Variants in ZC3H12B observed in about 807,000 individuals in gnomAD.
ZC3H12B encodes the protein probable ribonuclease ZC3H12B.
A neutral mutation model predicts 43.9 loss-of-function variants in ZC3H12B; 7 were observed. That is an observed-to-expected ratio of 0.16 (90% confidence interval 0.09 to 0.30). The LOEUF (loss-of-function observed/expected upper bound fraction) is 0.30, where lower values mean the gene tolerates loss of function less well. ZC3H12B is among the 10% of genes least tolerant of loss of function. The pLI is 1.00. For synonymous variants in ZC3H12B, 222 were observed against 241.7 expected (o/e 0.92, Z 0.76); for missense variants, 475 against 670.2 (o/e 0.71, Z 3.22).
chrX:65,369,644 T>A (rs1029799780), intron 2 of ZC3H12B, among the ~76,000 whole-genome samples: 2 of 111,776 alleles, frequency 1.8e-5, no homozygotes, highest in African/African-American at 6.5e-5. Context: ...TATGCAACTT[T>A]AAAAAAATTG....
At chrX:65,269,078 G>A in the ZC3H12B span, among the ~76,000 whole-genome samples, 29 of 111,856 alleles carry the variant, frequency 2.6e-4, no homozygotes, top group Admixed American at 2.5e-3. Context: ...CAGGCACAGT[G>A]GCTCATGCCT....
chrX:65,207,650 G>T, the ZC3H12B span, among the ~76,000 whole-genome samples: 1 of 105,206 alleles, frequency 9.5e-6, no homozygotes, highest in East Asian at 3.0e-4. Context: ...GGATTGACTT[G>T]GCAATGCGGG....
intron 3 of ZC3H12B, among the ~76,000 whole-genome samples, chrX:65,429,308 G>A (rs1260760121): frequency 2.7e-5 from 3 of 112,605 alleles, no homozygotes; most frequent in Non-Finnish European, 5.6e-5. Flanking sequence ...GATCTCTTCA[G>A]CCCCCAATTG....
chrX:65,170,466 A>G, the ZC3H12B span, among the ~76,000 whole-genome samples: 2 of 111,032 alleles, frequency 1.8e-5, no homozygotes, highest in African/African-American at 3.3e-5. Flanking sequence ...TGCCCTTAAC[A>G]TTTTTCCCTT....
the ZC3H12B span, among the ~76,000 whole-genome samples, chrX:65,282,820 G>A: frequency 8.9e-6 from 1 of 111,754 alleles, no homozygotes; most frequent in Non-Finnish European, 1.9e-5. Context: ...CTGAAATTGA[G>A]GCAATAACTA....
At position 65,472,968 on chromosome X, in the gene ZC3H12B, A is replaced by ATG. The variant is rs1179825661; in HGVS notation, n.408-15670_408-15669dup. Among the ~76,000 whole-genome samples, 138 of 75,978 alleles carry ATG rather than the reference A, an allele frequency of 1.8e-3. 1 individual carries two copies. The highest frequency in any genetic ancestry group is 9.1e-3 in the African/African-American group (115 of 12,669). 66.0% of individuals were successfully genotyped at this position (75,978 alleles called of 115,157 possible). On this transcript the variant is annotated intron_variant and non_coding_transcript_variant, in intron 3 of 5. Transcript: ENST00000617377. ...CATATATATATGTTTGTGTATGTGT[A>ATG]TGTGTGTGTATATATATATATATAT...
chrX:65,381,752 T>TA lies in ZC3H12B; in HGVS notation n.295+12760dup, dbSNP rs1465931132. On this transcript the variant is annotated intron_variant and non_coding_transcript_variant, in intron 2 of 5. Transcript: ENST00000617377. ...AGAGAGTAGAATCAAACACATGCAA[T>TA]AAAAAATGATAAAGGGGATATCACC... Among the ~76,000 whole-genome samples the TA allele has an allele frequency of 5.4e-5, 6 of 111,051 alleles. No homozygotes were observed. In the Admixed American group the frequency reaches 5.7e-4, roughly 11 times the overall value.
chrX:65,379,049 C>T (rs746156993), intron 2 of ZC3H12B, among the ~76,000 whole-genome samples: 191 of 112,134 alleles, frequency 1.7e-3, no homozygotes, highest in African/African-American at 5.8e-3. Flanking sequence ...CCGCAATTGC[C>T]CAGGCTTGCT....
At chrX:65,041,608 T>C in the ZC3H12B span, among the ~76,000 whole-genome samples, 1 of 112,091 alleles carries the variant, frequency 8.9e-6, no homozygotes, top group Non-Finnish European at 1.9e-5. Context: ...GTAGTAGCAA[T>C]GTTATCTGCA....
At chrX:65,262,211 T>G in the ZC3H12B span, among the ~76,000 whole-genome samples, 2 of 111,536 alleles carry the variant, frequency 1.8e-5, no homozygotes, top group East Asian at 5.6e-4. Flanking sequence ...GGAAACTAAC[T>G]GTTTTTCAAG....
the ZC3H12B span, among the ~76,000 whole-genome samples, chrX:65,339,076 C>G: frequency 9.0e-6 from 1 of 111,676 alleles, no homozygotes; most frequent in African/African-American, 3.3e-5. Context: ...TCTTTCTTTC[C>G]TGACAAGGAA....
At chrX:65,504,287 T>A (rs914828296) in exon 5 of ZC3H12B, 1 of 112,581 alleles carries the variant, frequency 8.9e-6, no homozygotes, top group African/African-American at 3.2e-5. Flanking sequence ...TCTATAGCTG[T>A]ATAGGTCACT....
the ZC3H12B span, among the ~76,000 whole-genome samples, chrX:65,121,434 G>A: frequency 9.0e-6 from 1 of 111,723 alleles, no homozygotes; most frequent in South Asian, 3.7e-4. Flanking sequence ...TAGTTTATTT[G>A]CCTAGAGGTG....
At chrX:65,099,585 AG>A in the ZC3H12B span, among the ~76,000 whole-genome samples, 14 of 111,348 alleles carry the variant, frequency 1.3e-4, no homozygotes, top group African/African-American at 4.6e-4. Context: ...TCAGGCAAAT[AG>A]GGTCTGGTGT....
the ZC3H12B span, among the ~76,000 whole-genome samples, chrX:65,153,318 T>A: frequency 9.0e-6 from 1 of 111,481 alleles, no homozygotes; most frequent in Admixed American, 9.5e-5. Flanking sequence ...GGGAGAAAAT[T>A]TTTGCAACCT....
At chrX:65,101,176 A>G in the ZC3H12B span, among the ~76,000 whole-genome samples, 1 of 112,105 alleles carries the variant, frequency 8.9e-6, no homozygotes, top group Admixed American at 9.4e-5. Flanking sequence ...ACGCAGAAAT[A>G]AAGATGTTAT....
At chrX:65,157,991 C>A in the ZC3H12B span, among the ~76,000 whole-genome samples, 1 of 95,525 alleles carries the variant, frequency 1.0e-5, no homozygotes, top group Non-Finnish European at 2.1e-5. Context: ...TCTCATTGTT[C>A]AATTCCCACC....
the ZC3H12B span, among the ~76,000 whole-genome samples, chrX:65,203,131 A>T: frequency 1.8e-5 from 2 of 111,883 alleles, no homozygotes; most frequent in Non-Finnish European, 3.8e-5. Context: ...CTTTCTCTTC[A>T]GGGCAGTGAG....
chrX:65,198,766 A>T, the ZC3H12B span, among the ~76,000 whole-genome samples: 1 of 111,565 alleles, frequency 9.0e-6, no homozygotes, highest in East Asian at 2.8e-4. Flanking sequence ...GTTCTCTGTT[A>T]TTATCCCTTT....
Sources: gnomAD v4.1 joint callset for allele counts (sites outside exome capture counted in the v4.1 genomes callset) on GRCh38, gnomAD v4.1.1 for gene constraint, MANE v1.5 for transcripts, NCBI Gene and HGNC (gene_info 2026-07-23, HGNC 2026-07-21) for gene names.